SUPT3H: variants seen among roughly 807,000 people sequenced by gnomAD.
SUPT3H encodes SPT3 homolog, SAGA and STAGA complex component, also known as transcription initiation protein SPT3 homolog.
SUPT3H carries 44 observed loss-of-function variants against 44.3 expected under a neutral mutation model. That is an observed-to-expected ratio of 0.99 (90% confidence interval 0.78 to 1.28). The LOEUF is 1.28. Among genes scored for constraint, SUPT3H ranks in the 50% most tolerant of loss-of-function variants. The pLI, the probability that SUPT3H is intolerant of heterozygous loss-of-function variation, is 0.00. For synonymous variants in SUPT3H, 124 were observed against 125.6 expected (o/e 0.99, Z 0.09); for missense variants, 380 against 387.1 (o/e 0.98, Z 0.15).
intron 2 of SUPT3H, among the ~76,000 whole-genome samples, chr6:45,289,654 T>G (rs187419371): frequency 6.6e-6 from 1 of 152,206 alleles, no homozygotes; most frequent in Admixed American, 6.5e-5. Context: ...AAAATACTTA[T>G]GCATAAACCA....
chr6:45,090,256 T>C (rs928033569), intron 3 of SUPT3H, among the ~76,000 whole-genome samples: 7 of 152,080 alleles, frequency 4.6e-5, no homozygotes, highest in Non-Finnish European at 1.0e-4. Flanking sequence ...AAAGAAGCAA[T>C]TGGTTTTGAA....
At chr6:45,016,943 A>C (rs1784376920) in intron 4 of SUPT3H, among the ~76,000 whole-genome samples, 1 of 150,852 alleles carries the variant, frequency 6.6e-6, no homozygotes, top group African/African-American at 2.4e-5. Flanking sequence ...TGGTTGAACT[A>C]GTTTACAGTC....
At chr6:45,266,484 G>C (rs1775288466) in intron 2 of SUPT3H, among the ~76,000 whole-genome samples, 1 of 151,602 alleles carries the variant, frequency 6.6e-6, no homozygotes, top group Admixed American at 6.6e-5. Context: ...ATACACTTAA[G>C]TCAAATGCAT....
intron 3 of SUPT3H, among the ~76,000 whole-genome samples, chr6:45,103,577 G>C (rs1000253267): frequency 1.3e-5 from 2 of 151,994 alleles, no homozygotes; most frequent in African/African-American, 4.8e-5. Context: ...AGAAAAAATA[G>C]TAAACTTAAA....
intron 1 of SUPT3H, among the ~76,000 whole-genome samples, chr6:45,371,443 C>T (rs1311096030): frequency 1.3e-5 from 2 of 149,574 alleles, no homozygotes; most frequent in Non-Finnish European, 3.0e-5. Context: ...TATTCTCCCT[C>T]TACCAATGAG....
At chr6:45,308,451 A>G (rs1354530767) in intron 2 of SUPT3H, among the ~76,000 whole-genome samples, 2 of 152,242 alleles carry the variant, frequency 1.3e-5, no homozygotes, top group Non-Finnish European at 2.9e-5. Context: ...TCAACATTTT[A>G]AAGAAAAGAA....
intron 10 of SUPT3H, among the ~76,000 whole-genome samples, chr6:44,869,560 T>C (rs1776031264): frequency 6.6e-6 from 1 of 152,200 alleles, no homozygotes; most frequent in Admixed American, 6.5e-5. Context: ...GTGTGTCTTA[T>C]CTATGTAAAT....
At chr6:44,904,119 A>G (rs933162520) in intron 10 of SUPT3H, among the ~76,000 whole-genome samples, 1 of 152,226 alleles carries the variant, frequency 6.6e-6, no homozygotes, top group African/African-American at 2.4e-5. Context: ...GAAAACTGGC[A>G]CAAGACAGGG....
chr6:45,284,540 C>T (rs1778838843), intron 2 of SUPT3H, among the ~76,000 whole-genome samples: 2 of 152,064 alleles, frequency 1.3e-5, no homozygotes, highest in South Asian at 2.1e-4. Context: ...CAAGACTAAA[C>T]GAGGAAGAAG....
chr6:44,980,839 G>C (rs1180942663), intron 6 of SUPT3H, among the ~76,000 whole-genome samples: 3 of 152,132 alleles, frequency 2.0e-5, no homozygotes, highest in Non-Finnish European at 4.4e-5. Context: ...TACTTTCAGA[G>C]GATAAGGAGA....
intron 2 of SUPT3H, among the ~76,000 whole-genome samples, chr6:45,192,636 C>T (rs1815332590): frequency 6.6e-6 from 1 of 151,964 alleles, no homozygotes; most frequent in Non-Finnish European, 1.5e-5. Context: ...AACAACTTTG[C>T]ACACTTTATA....
At chr6:44,834,387 C>T (rs1328803225) in intron 10 of SUPT3H, among the ~76,000 whole-genome samples, 3 of 152,110 alleles carry the variant, frequency 2.0e-5, no homozygotes, top group African/African-American at 7.2e-5. Flanking sequence ...GTATCTCTCA[C>T]TTTAGGTTAT....
At position 44,856,245 on chromosome 6, in the gene SUPT3H, T is replaced by C. The variant is rs114703115; in HGVS notation, c.913-26388A>G. ...TTTATCTTTCAACAAAATCATAATG[T>C]TCTGCACTCAGCTCCTGCAGTCAAA... On this transcript the variant is annotated intron_variant, in intron 10 of 10. Coordinates refer to ENST00000371459, the MANE Select transcript of SUPT3H (RefSeq NM_003599.4). Among the ~76,000 whole-genome samples, 805 of 152,284 alleles carry C rather than the reference T, an allele frequency of 5.3e-3. 5 individuals carry two copies. Among genetic ancestry groups the C allele is most frequent in the African/African-American group, 0.018 (751 of 41,568 alleles).
At chr6:45,036,092 C>G (rs142351040) in intron 3 of SUPT3H, among the ~76,000 whole-genome samples, 1 of 152,130 alleles carries the variant, frequency 6.6e-6, no homozygotes, top group Admixed American at 6.6e-5. Context: ...GGTAGGGACA[C>G]AGCATTGAAT....
chr6:45,331,248 T>C (rs546555573), intron 2 of SUPT3H, among the ~76,000 whole-genome samples: 3 of 152,160 alleles, frequency 2.0e-5, no homozygotes, highest in African/African-American at 7.2e-5. Context: ...CCATCATTTA[T>C]CATAAATATA....
intron 2 of SUPT3H, among the ~76,000 whole-genome samples, chr6:45,353,310 G>A (rs1792454362): frequency 6.6e-6 from 1 of 151,840 alleles, no homozygotes; most frequent in Admixed American, 6.6e-5. Context: ...AATTCATCTG[G>A]AAAAATAAAA....
intron 6 of SUPT3H, among the ~76,000 whole-genome samples, chr6:44,987,519 G>A (rs1779984387): frequency 1.3e-5 from 2 of 152,016 alleles, no homozygotes; most frequent in African/African-American, 4.8e-5. Context: ...CAATGTATTT[G>A]GCAACAATGG....
chr6:44,833,101 A>G (rs1769166584), intron 10 of SUPT3H, among the ~76,000 whole-genome samples: 1 of 152,156 alleles, frequency 6.6e-6, no homozygotes, highest in Non-Finnish European at 1.5e-5. Flanking sequence ...AACATTAACT[A>G]TAAACACCAG....
chr6:45,075,220 C>T (rs1794856523), intron 3 of SUPT3H, among the ~76,000 whole-genome samples: 1 of 152,074 alleles, frequency 6.6e-6, no homozygotes, highest in African/African-American at 2.4e-5. Flanking sequence ...CCATCAGTTA[C>T]TTTCCACTTA....
Sources: allele counts gnomAD v4.1 joint callset (sites outside exome capture counted in the v4.1 genomes callset), GRCh38; gene constraint gnomAD v4.1.1; transcripts MANE v1.5; gene names NCBI Gene and HGNC (gene_info 2026-07-23, HGNC 2026-07-21).